The following SLC28A1 variants were observed in gnomAD, a reference collection of about 807,000 sequenced individuals.
The protein encoded by SLC28A1 is sodium/nucleoside cotransporter 1.
SLC28A1 carries 64 observed loss-of-function variants against 74.8 expected under a neutral mutation model. The ratio of observed to expected loss-of-function variants is 0.86; its 90% CI spans 0.70 to 1.05. The LOEUF is 1.05. Ranked by LOEUF, SLC28A1 falls within the 50% of genes least tolerant of loss-of-function variation. The probability of loss-of-function intolerance (pLI) is 0.00; values close to 1 mark genes in which losing one functional copy is unlikely to be tolerated. For synonymous variants in SLC28A1, 359 were observed against 335.0 expected, an observed-to-expected ratio of 1.07 and a Z score of -0.78; for missense variants, 828 against 822.8, an observed-to-expected ratio of 1.01 and a Z score of -0.08.
At chr15:84,887,421 C>A in intron 2 of SLC28A1, 3 of 983,916 alleles carry the variant, frequency 3.0e-6, no homozygotes, top group Non-Finnish European at 3.6e-6. Flanking sequence ...TGGTGGCGCA[C>A]GCCTGTAATC....
At chr15:84,934,925 C>A in intron 13 of SLC28A1, 101 bp from the exon 14 acceptor site, 2 of 1,019,226 alleles carry the variant, frequency 2.0e-6, no homozygotes, top group South Asian at 1.3e-5. Context: ...ATTTCCCGCT[C>A]TGAAATGCTC....
Position 84,905,435 on chromosome 15 carries a change from C to T in SLC28A1, c.604-104C>T, listed in dbSNP as rs1966932550. On this transcript the variant is annotated intron_variant, in intron 7 of 18. Transcript: ENST00000394573. ...GGCCTAGTACTCTGCCTGGCTCCAG[C>T]CCCATCCTCTGGGCAGGGCAATGCC... The T allele has an allele frequency of 5.0e-6, 4 of 792,790 alleles. No individual in the cohort carries two copies. The African/African-American group carries it at 6.7e-5, about 13-fold the overall frequency. The allele number at this position is 792,790 out of a possible 1,614,324, so 49.1% of individuals were successfully genotyped here.
the SLC28A1 span, among the ~76,000 whole-genome samples, chr15:84,956,467 CCTTCTTTCTTTCTTTCTTTCTTTG>C: frequency 2.0e-5 from 1 of 49,750 alleles, no homozygotes; most frequent in African/African-American, 4.6e-5. Flanking sequence ...TTCTTTCTTT[CCTTCTTTCTTTCTTTCTTTCTTTG>C]TTTCTCTTTC....
chr15:84,972,027 G>T, the SLC28A1 span, among the ~76,000 whole-genome samples: 1 of 152,206 alleles, frequency 6.6e-6, no homozygotes, highest in Non-Finnish European at 1.5e-5. Context: ...GTTTCCCAGG[G>T]ATTAGGAAGC....
the SLC28A1 span, among the ~76,000 whole-genome samples, chr15:84,966,756 C>G: frequency 6.6e-6 from 1 of 152,178 alleles, no homozygotes; most frequent in African/African-American, 2.4e-5. Context: ...GTCTTATTCA[C>G]TATCACGAGA....
rs747271381 is a variant in SLC28A1, at chr15:84,933,327, A to G, written c.1214+52A>G. 9.4e-6 allele frequency: 15 copies of G among 1,595,258 alleles called. No homozygotes were observed. In the Admixed American group the frequency reaches 2.4e-4, roughly 26 times the overall value. On this transcript the variant is annotated intron_variant, in intron 13 of 18. Coordinates refer to ENST00000394573, the MANE Select transcript of SLC28A1 (RefSeq NM_004213.5). ...CAGGGTAGTGGTACAAGGTGGGGGG[A>G]GCAAAGCAGAGGGTCCCGTTCTCTC...
At position 84,888,854 on chromosome 15, in the gene SLC28A1, C is replaced by G. The variant is rs1964928106; in HGVS notation, c.179C>G (p.Ser60Cys). 1 of 1,550,682 alleles carries G rather than the reference C, an allele frequency of 6.4e-7. No individual in the cohort carries two copies. Among genetic ancestry groups the G allele is most frequent in the Admixed American group, 2.0e-5 (1 of 51,076 alleles). ...AGCGAGGCGGCGCCGAAGCCCTTCT[C>G]CAGATGGTAGGTGATCTCTGGAGAG... Reference protein sequence around the residue: ...SWSEAAPKPFSRWRNLQPALR... With the variant: ...SWSEAAPKPFCRWRNLQPALR... Residue 60 changes from serine (S) to cysteine (C), a missense_variant, in exon 4 of 19, where the codon TCC becomes TGC. Physicochemically the swap from Ser to Cys is moderately radical, Grantham distance 112 (BLOSUM62 -1). This residue lies in a region of SLC28A1 where 767 missense variants were observed against 753.5 expected (regional missense o/e 1.02). Transcript: ENST00000394573.
rs773168486 is a variant in SLC28A1, at chr15:84,890,456, C to G, written c.199C>G (p.Pro67Ala). ...KPFSRWRNLQ[P>A]ALRARSFCRE... ...TCTTGTTCCCAGGAGGAACCTGCAG[C>G]CAGCCCTGAGAGCCAGAAGCTTCTG... The change falls in exon 5 of 19, where the codon CCA becomes GCA. Residue 67 changes from proline (P) to alanine (A), a missense_variant. Pro to Ala is a conservative substitution (Grantham distance 27, BLOSUM62 -1). Coordinates refer to ENST00000394573, the MANE Select transcript of SLC28A1 (RefSeq NM_004213.5). 6.2e-7 allele frequency: 1 copy of G among 1,608,980 alleles called. No homozygotes were observed. Among genetic ancestry groups the G allele is most frequent in the African/African-American group, 1.3e-5 (1 of 74,842 alleles).
chr15:84,893,598 A>G (rs1015576870), intron 5 of SLC28A1, among the ~76,000 whole-genome samples: 8 of 151,824 alleles, frequency 5.3e-5, no homozygotes, highest in African/African-American at 1.9e-4. Context: ...ATTACTCCTC[A>G]AGTGTCTCCT....
chr15:84,893,822 G>A (rs1965636166), intron 5 of SLC28A1, among the ~76,000 whole-genome samples: 1 of 152,148 alleles, frequency 6.6e-6, no homozygotes, highest in African/African-American at 2.4e-5. Context: ...TCCTCTCTCT[G>A]CAGTCCTGGG....
At chr15:84,899,997 A>AAGGC (rs58660486) in intron 6 of SLC28A1, among the ~76,000 whole-genome samples, 31,598 of 148,524 alleles carry the variant, frequency 0.21, 3,752 homozygotes, top group South Asian at 0.45. Context: ...GGAAAAGAAA[A>AAGGC]AGGCAGGCAG....
chr15:84,964,531 T>C, the SLC28A1 span, among the ~76,000 whole-genome samples: 2 of 152,220 alleles, frequency 1.3e-5, no homozygotes, highest in African/African-American at 4.8e-5. Context: ...GAAAATGGTT[T>C]ACATGATGTG....
At chr15:84,914,022 C>T (rs1024099028) in intron 9 of SLC28A1, among the ~76,000 whole-genome samples, 1 of 152,182 alleles carries the variant, frequency 6.6e-6, no homozygotes, top group Non-Finnish European at 1.5e-5. Context: ...GATCACTGCT[C>T]ACTGCAGCCT....
intron 2 of SLC28A1, chr15:84,887,311 C>A: frequency 1.0e-6 from 1 of 979,538 alleles, no homozygotes; most frequent in Non-Finnish European, 1.2e-6. Flanking sequence ...CTTTACTTTC[C>A]TTCCCTATGA....
At chr15:84,921,488 C>T (rs1969828658) in intron 11 of SLC28A1, among the ~76,000 whole-genome samples, 1 of 151,774 alleles carries the variant, frequency 6.6e-6, no homozygotes, top group South Asian at 2.1e-4. Flanking sequence ...TTTCTTTTCT[C>T]CCTCTTTCTT....
At chr15:84,916,048 T>C (rs1969041593) in intron 9 of SLC28A1, among the ~76,000 whole-genome samples, 1 of 151,684 alleles carries the variant, frequency 6.6e-6, no homozygotes, top group Admixed American at 6.6e-5. Flanking sequence ...CTGCAACCTC[T>C]GCCTCCCGGG....
At chr15:84,894,046 A>G (rs1965665681) in intron 5 of SLC28A1, among the ~76,000 whole-genome samples, 2 of 152,094 alleles carry the variant, frequency 1.3e-5, no homozygotes, top group Non-Finnish European at 2.9e-5. Context: ...AGTCCTTTCC[A>G]TTCTTCGAAG....
At position 84,933,184 on chromosome 15, in the gene SLC28A1, G is replaced by T. The variant is rs2141999503; in HGVS notation, c.1123G>T (p.Ala375Ser). 6.2e-7 allele frequency: 1 copy of T among 1,613,672 alleles called. No homozygotes were observed. The highest frequency in any genetic ancestry group is 8.5e-7 in the Non-Finnish European group (1 of 1,179,766). ...GTTGATTGCAGCCTCTGTGATGGCT[G>T]CCCCTTGTGCCTTGGCCCTCTCCAA... The part of the protein sequence containing the change: ...TSLIAASVMA[A>S]PCALALSKLV... The change falls in exon 13 of 19, where the codon GCC becomes TCC. Residue 375 changes from alanine to serine, a missense_variant. Physicochemically the swap from Ala to Ser is moderately conservative, Grantham distance 99. Around this residue, in one of 3 missense-constraint regions of SLC28A1, gnomAD observed 767 missense variants for 753.5 expected, o/e 1.02. Coordinates refer to ENST00000394573, the MANE Select transcript of SLC28A1 (RefSeq NM_004213.5).
At chr15:84,901,199 T>C (rs1054872283) in intron 6 of SLC28A1, among the ~76,000 whole-genome samples, 6 of 149,352 alleles carry the variant, frequency 4.0e-5, no homozygotes, top group African/African-American at 1.5e-4. Flanking sequence ...ATAAGAAAAA[T>C]AACCTAATTT....
Sources: gnomAD v4.1 joint callset for allele counts (sites outside exome capture counted in the v4.1 genomes callset) on GRCh38, gnomAD v4.1.1 for gene constraint, gnomAD v4.1.1 regional missense constraint, MANE v1.5 for transcripts, NCBI Gene and HGNC (gene_info 2026-07-23, HGNC 2026-07-21) for gene names.